Variants in LPP observed in about 807,000 individuals in gnomAD.
The protein encoded by LPP is lipoma-preferred partner.
In LPP, 38 loss-of-function variants were observed where a neutral mutation model predicts 60.4. The ratio of observed to expected loss-of-function variants is 0.63; its 90% CI spans 0.49 to 0.83. The LOEUF (loss-of-function observed/expected upper bound fraction) is 0.83. LPP is among the 40% of genes least tolerant of loss of function. The pLI is 0.00. For missense variants in LPP, 902 were observed against 783.6 expected (o/e 1.15, Z -1.80); for synonymous variants, 328 against 290.8 (o/e 1.13, Z -1.30).
At chr3:188,560,258 G>C (rs1830366216) in intron 6 of LPP, among the ~76,000 whole-genome samples, 1 of 152,018 alleles carries the variant, frequency 6.6e-6, no homozygotes, top group South Asian at 2.1e-4. Context: ...TTCTTCACTG[G>C]TTTATCTCTG....
chr3:188,209,225 T>C (rs1260418841), intron 1 of LPP, among the ~76,000 whole-genome samples: 13 of 152,212 alleles, frequency 8.5e-5, no homozygotes, highest in Non-Finnish European at 1.8e-4. Context: ...TTAACCTCTC[T>C]GAACCTCAGT....
At chr3:188,623,257 A>AAT (rs1486628779) in intron 7 of LPP, among the ~76,000 whole-genome samples, 1 of 95,604 alleles carries the variant, frequency 1.0e-5, no homozygotes, top group Non-Finnish European at 2.1e-5. Context: ...CTATGAAGAT[A>AAT]CTTTTTTTTT....
Position 188,445,478 on chromosome 3 carries a change from G to A in LPP, c.194-39114G>A, listed in dbSNP as rs540859876. On this transcript the variant is annotated intron_variant, in intron 4 of 11. Transcript: ENST00000617246. ...CACAGGGAGGGTAACATCACACACC[G>A]GGGCCTGTTGGGCAGTGGGAGACTA... Among the ~76,000 whole-genome samples the A allele has an allele frequency of 7.2e-5, 11 of 152,128 alleles. No individual in the cohort carries two copies. In the South Asian group the frequency reaches 1.5e-3, roughly 20 times the overall value.
At chr3:188,179,280 C>T (rs1432923257) in intron 1 of LPP, 2 of 458,336 alleles carry the variant, frequency 4.4e-6, no homozygotes, top group African/African-American at 4.0e-5. Flanking sequence ...CGCAGCGGAG[C>T]TTCTTTATCT....
chr3:188,379,630 T>G (rs182665223), intron 3 of LPP, among the ~76,000 whole-genome samples: 5 of 152,336 alleles, frequency 3.3e-5, no homozygotes, highest in East Asian at 1.9e-4. Flanking sequence ...ATCTGTGAAG[T>G]TGCCCATTCT....
intron 2 of LPP, among the ~76,000 whole-genome samples, chr3:188,278,461 T>C (rs541481437): frequency 6.6e-6 from 1 of 152,356 alleles, no homozygotes; most frequent in Admixed American, 6.5e-5. Flanking sequence ...CTGTGTGTGC[T>C]ATATACTCTT....
chr3:188,380,563 T>C (rs995285266), intron 3 of LPP, among the ~76,000 whole-genome samples: 1 of 152,230 alleles, frequency 6.6e-6, no homozygotes, highest in Non-Finnish European at 1.5e-5. Context: ...TGTGTTTGCA[T>C]CTCTTGTAGC....
intron 3 of LPP, among the ~76,000 whole-genome samples, chr3:188,381,538 A>G (rs1320693455): frequency 6.6e-6 from 1 of 152,344 alleles, no homozygotes; most frequent in East Asian, 1.9e-4. Context: ...AGGTTGGGGA[A>G]AGCAAAGTAC....
intron 2 of LPP, among the ~76,000 whole-genome samples, chr3:188,289,858 C>T (rs371180615): frequency 4.4e-4 from 67 of 152,072 alleles, no homozygotes; most frequent in African/African-American, 1.5e-3. Context: ...CGGTGTCTTC[C>T]TGTGAATAAA....
At chr3:188,457,739 A>T (rs201592484) in intron 4 of LPP, among the ~76,000 whole-genome samples, 30,235 of 139,892 alleles carry the variant, frequency 0.22, 3,321 homozygotes, top group East Asian at 0.25. Context: ...AAAAAAAAAA[A>T]ATATATATAT....
intron 9 of LPP, among the ~76,000 whole-genome samples, chr3:188,861,587 C>T (rs1456148586): frequency 6.6e-6 from 1 of 152,080 alleles, no homozygotes; most frequent in Non-Finnish European, 1.5e-5. Flanking sequence ...TTTATCATCT[C>T]ATTAGTAGTT....
rs1433460727 is a variant in LPP, at chr3:188,596,899, TG to T, written c.430-12261del. On this transcript the variant is annotated intron_variant, in intron 6 of 11. Transcript: ENST00000617246. The stretch of plus-strand genomic sequence containing the variant: ...CTTCTTTTACTGAAGTCCGTGAATA[TG>T]TTAGAAACTCTTGTATGAAAATACA... 2.4e-3 allele frequency among the ~76,000 whole-genome samples: 367 copies of T among 152,322 alleles called. 1 individual carries two copies. Among genetic ancestry groups the T allele is most frequent in the Middle Eastern group, 0.01 (3 of 294 alleles).
chr3:188,752,739 C>T (rs1248375537), intron 8 of LPP, among the ~76,000 whole-genome samples: 4 of 152,140 alleles, frequency 2.6e-5, no homozygotes, highest in African/African-American at 9.7e-5. Context: ...AGATTTGGCA[C>T]TAGCCATCAC....
chr3:188,691,500 G>A (rs1329772101), intron 7 of LPP, among the ~76,000 whole-genome samples: 2 of 152,200 alleles, frequency 1.3e-5, no homozygotes, highest in African/African-American at 4.8e-5. Flanking sequence ...GGATGGTGAC[G>A]ATGTACATGA....
intron 6 of LPP, among the ~76,000 whole-genome samples, chr3:188,600,572 T>C (rs1389918430): frequency 6.6e-6 from 1 of 152,136 alleles, no homozygotes; most frequent in South Asian, 2.1e-4. Flanking sequence ...ATACAGAATT[T>C]CACATTCTAA....
At chr3:188,313,387 C>A (rs905387369) in intron 2 of LPP, among the ~76,000 whole-genome samples, 2 of 152,006 alleles carry the variant, frequency 1.3e-5, no homozygotes, top group African/African-American at 4.8e-5. Context: ...CGCCTGTAAT[C>A]CCAGCACTTC....
chr3:188,508,428 C>A (rs1471416407), intron 5 of LPP, among the ~76,000 whole-genome samples: 3 of 152,110 alleles, frequency 2.0e-5, no homozygotes, highest in Non-Finnish European at 2.9e-5. Context: ...AACAGCTCTG[C>A]CTAGACAAAA....
chr3:188,235,564 C>G (rs943660185), intron 2 of LPP, among the ~76,000 whole-genome samples: 1 of 152,092 alleles, frequency 6.6e-6, no homozygotes, highest in African/African-American at 2.4e-5. Flanking sequence ...AATGAAGGCT[C>G]TTTGGAGTAA....
chr3:188,618,645 C>A lies in LPP; in HGVS notation c.1113+8801C>A, dbSNP rs1034796679. 2.0e-5 allele frequency among the ~76,000 whole-genome samples: 3 copies of A among 152,098 alleles called. 1 individual carries two copies. The highest frequency in any genetic ancestry group is 6.6e-5 in the Admixed American group (1 of 15,264). On this transcript the variant is annotated intron_variant, in intron 7 of 11. Coordinates refer to ENST00000617246, the MANE Select transcript of LPP (RefSeq NM_001375462.1). ...GACTAAAACTTCTGAGTAGTATTTC[C>A]GGGACATAACATATATTTAACATTA...
Sources: allele counts gnomAD v4.1 joint callset (sites outside exome capture counted in the v4.1 genomes callset), GRCh38; gene constraint gnomAD v4.1.1; transcripts MANE v1.5; gene names NCBI Gene and HGNC (gene_info 2026-07-23, HGNC 2026-07-21).